Variants in KLF15 observed in about 807,000 individuals in gnomAD.
The protein encoded by KLF15 is Krueppel-like factor 15.
KLF15 carries 4 observed loss-of-function variants against 24.6 expected under a neutral mutation model. That is an observed-to-expected ratio of 0.16 (90% CI 0.08 to 0.37). KLF15 has a LOEUF of 0.37. Ranked by LOEUF, KLF15 falls within the 10% of genes least tolerant of loss-of-function variation. The pLI is 1.00. For missense variants in KLF15, 496 were observed against 560.6 expected (o/e 0.88, Z 1.16); for synonymous variants, 246 against 236.3 (o/e 1.04, Z -0.37).
chr3:126,300,475 A>G, the KLF15 span, among the ~76,000 whole-genome samples: 5 of 152,128 alleles, frequency 3.3e-5, no homozygotes, highest in Admixed American at 2.6e-4. Flanking sequence ...CCTCCACTGC[A>G]CGGTAGGTGT....
chr3:126,315,776 T>C, the KLF15 span, among the ~76,000 whole-genome samples: 1 of 152,200 alleles, frequency 6.6e-6, no homozygotes, highest in East Asian at 1.9e-4. Context: ...GCTTTCTACC[T>C]ATCCTTTGAA....
the KLF15 span, among the ~76,000 whole-genome samples, chr3:126,319,546 C>A: frequency 6.6e-6 from 1 of 152,184 alleles, no homozygotes; most frequent in Non-Finnish European, 1.5e-5. Flanking sequence ...TTTTCATATG[C>A]ATATTTGCCA....
chr3:126,333,747 AC>A, the KLF15 span, among the ~76,000 whole-genome samples: 17 of 127,074 alleles, frequency 1.3e-4, no homozygotes, highest in Non-Finnish European at 2.5e-4. Flanking sequence ...CAAATGGAAA[AC>A]AAAAAACGGC....
chr3:126,330,242 G>C, the KLF15 span, among the ~76,000 whole-genome samples: 1 of 152,154 alleles, frequency 6.6e-6, no homozygotes, highest in African/African-American at 2.4e-5. Flanking sequence ...GATTAACTCA[G>C]GTCAGCAGAC....
the KLF15 span, among the ~76,000 whole-genome samples, chr3:126,317,686 C>A: frequency 6.6e-6 from 1 of 152,148 alleles, no homozygotes; most frequent in Non-Finnish European, 1.5e-5. Context: ...CCCCTGGAAG[C>A]CTGCCAACAT....
chr3:126,294,578 C>T, the KLF15 span, among the ~76,000 whole-genome samples: 2 of 152,150 alleles, frequency 1.3e-5, no homozygotes, highest in South Asian at 2.1e-4. Context: ...TTCAGTCAGT[C>T]CAAAGGGTGG....
the KLF15 span, among the ~76,000 whole-genome samples, chr3:126,302,283 G>C: frequency 6.6e-6 from 1 of 152,130 alleles, no homozygotes; most frequent in African/African-American, 2.4e-5. Flanking sequence ...TATTGGGACT[G>C]TTTTATGGCC....
At chr3:126,332,078 G>A in the KLF15 span, among the ~76,000 whole-genome samples, 1 of 152,242 alleles carries the variant, frequency 6.6e-6, no homozygotes, top group South Asian at 2.1e-4. Context: ...CACAGCTCAA[G>A]GAGGCCTGCC....
the KLF15 span, among the ~76,000 whole-genome samples, chr3:126,329,140 C>A: frequency 6.6e-6 from 1 of 152,146 alleles, no homozygotes; most frequent in Non-Finnish European, 1.5e-5. Flanking sequence ...GCTCTTTTAC[C>A]CACTTGGAGT....
At chr3:126,322,810 C>A in the KLF15 span, among the ~76,000 whole-genome samples, 1 of 152,172 alleles carries the variant, frequency 6.6e-6, no homozygotes, top group Non-Finnish European at 1.5e-5. Context: ...ACTGATCAAG[C>A]CAGGCAAAGC....
chr3:126,315,903 G>C, the KLF15 span, among the ~76,000 whole-genome samples: 10 of 152,110 alleles, frequency 6.6e-5, no homozygotes, highest in African/African-American at 2.4e-4. Flanking sequence ...GGAAAAGAGG[G>C]GTCAAGGCTT....
At chr3:126,336,489 C>T in the KLF15 span, among the ~76,000 whole-genome samples, 3 of 70,596 alleles carry the variant, frequency 4.2e-5, 1 homozygote, top group Admixed American at 4.0e-4. Flanking sequence ...AAAACCTAGG[C>T]ATTACCATTC....
At chr3:126,325,030 A>C in the KLF15 span, among the ~76,000 whole-genome samples, 2 of 96,502 alleles carry the variant, frequency 2.1e-5, no homozygotes, top group Admixed American at 2.6e-4. Flanking sequence ...TCATTGTTCA[A>C]TTCCCACCTA....
the KLF15 span, among the ~76,000 whole-genome samples, chr3:126,328,344 T>G: frequency 6.6e-6 from 1 of 152,206 alleles, no homozygotes; most frequent in Non-Finnish European, 1.5e-5. Context: ...GATGGGCTTT[T>G]GGGTTGGTTC....
the KLF15 span, among the ~76,000 whole-genome samples, chr3:126,319,070 G>T: frequency 0.4 from 61,309 of 152,022 alleles, 12,827 homozygotes; most frequent in Non-Finnish European, 0.47. Flanking sequence ...AGCCTTTTCA[G>T]ATTCACTTAG....
the KLF15 span, among the ~76,000 whole-genome samples, chr3:126,296,926 T>C: frequency 6.6e-6 from 1 of 152,214 alleles, no homozygotes; most frequent in Non-Finnish European, 1.5e-5. Context: ...ATTTCTTTAG[T>C]AACTTTCTTT....
the KLF15 span, among the ~76,000 whole-genome samples, chr3:126,314,126 C>T: frequency 3.9e-5 from 6 of 152,122 alleles, no homozygotes; most frequent in African/African-American, 9.7e-5. Context: ...GTCACTCCCT[C>T]GCTCGGTGGC....
intron 2 of KLF15, among the ~76,000 whole-genome samples, chr3:126,348,728 G>C (rs1576585501): frequency 6.6e-6 from 1 of 152,374 alleles, no homozygotes; most frequent in Middle Eastern, 3.4e-3. Context: ...GCGGGAGCCT[G>C]AGCCACAGCA....
chr3:126,319,288 T>C, the KLF15 span, among the ~76,000 whole-genome samples: 10 of 152,370 alleles, frequency 6.6e-5, no homozygotes, highest in African/African-American at 2.2e-4. Flanking sequence ...AAGTTTTCAA[T>C]TCATTTGGGT....
Sources: allele counts gnomAD v4.1 joint callset (sites outside exome capture counted in the v4.1 genomes callset), GRCh38; gene constraint gnomAD v4.1.1; transcripts MANE v1.5; gene names NCBI Gene and HGNC (gene_info 2026-07-23, HGNC 2026-07-21).